The following BACH2 variants were observed in gnomAD, a reference collection of about 807,000 sequenced individuals.
BACH2 encodes the protein BACH transcriptional regulator 2, also known as transcription regulator protein BACH2.
BACH2 carries 5 observed loss-of-function variants against 61.8 expected under a neutral mutation model. The ratio of observed to expected loss-of-function variants is 0.08; its 90% confidence interval spans 0.04 to 0.17. The LOEUF is 0.17. BACH2 is among the 10% of genes least tolerant of loss of function. The pLI is 1.00. For missense variants in BACH2, 824 were observed against 1,091.1 expected, an observed-to-expected ratio of 0.76 and a Z score of 3.45; for synonymous variants, 446 against 440.1, an observed-to-expected ratio of 1.01 and a Z score of -0.17.
At chr6:90,166,148 A>C (rs910357306) in intron 4 of BACH2, among the ~76,000 whole-genome samples, 3 of 152,184 alleles carry the variant, frequency 2.0e-5, no homozygotes, top group Non-Finnish European at 4.4e-5. Context: ...GAAAGTTTTG[A>C]AATCTACTCG....
intron 7 of BACH2, among the ~76,000 whole-genome samples, chr6:89,941,490 C>T (rs1459969186): frequency 6.6e-6 from 1 of 152,236 alleles, no homozygotes; most frequent in Admixed American, 6.5e-5. Context: ...CCTGCTCCGA[C>T]TGCTAAAGAC....
intron 4 of BACH2, among the ~76,000 whole-genome samples, chr6:90,091,040 T>C (rs1782139070): frequency 6.6e-6 from 1 of 152,184 alleles, no homozygotes; most frequent in African/African-American, 2.4e-5. Context: ...GTAACAAAAC[T>C]GGTGGCTGGC....
chr6:90,032,224 T>TA (rs1293841733), intron 5 of BACH2, among the ~76,000 whole-genome samples: 1 of 150,998 alleles, frequency 6.6e-6, no homozygotes, highest in East Asian at 1.9e-4. Context: ...ATTAAAGACT[T>TA]AAATGTTAGA....
intron 3 of BACH2, among the ~76,000 whole-genome samples, chr6:90,246,578 C>T (rs1166196082): frequency 6.7e-6 from 1 of 148,846 alleles, no homozygotes; most frequent in Admixed American, 6.7e-5. Flanking sequence ...TACAAACTGG[C>T]AAAAAAAAAT....
At chr6:90,270,890 T>C (rs1771497436) in intron 2 of BACH2, among the ~76,000 whole-genome samples, 1 of 152,014 alleles carries the variant, frequency 6.6e-6, no homozygotes, top group Non-Finnish European at 1.5e-5. Flanking sequence ...CATAGACCAA[T>C]GGAACAGAAC....
intron 2 of BACH2, among the ~76,000 whole-genome samples, chr6:90,260,871 A>T (rs183152606): frequency 1.3e-5 from 2 of 152,206 alleles, no homozygotes; most frequent in Non-Finnish European, 2.9e-5. Context: ...ACACAGTTCC[A>T]AGAAAGGTCT....
In BACH2 at chr6:89,951,561, C is replaced by T; in HGVS notation, c.545G>A (p.Arg182Lys). The T allele has an allele frequency of 6.2e-7, 1 of 1,614,164 alleles. No homozygotes were observed. Among genetic ancestry groups the T allele is most frequent in the Non-Finnish European group, 8.5e-7 (1 of 1,180,040 alleles). ...GATGGGCTCTGGAAGCATCTGGTCC[C>T]TGGGGCAAGCCATCTTGGCCGTCTC... ...DSETAKMACPRDQMLPEPISF... is the reference protein window; with the variant it reads ...DSETAKMACPKDQMLPEPISF... The change falls in exon 7 of 9, where the codon AGG becomes AAG. Residue 182 changes from arginine (R) to lysine (K), a missense_variant. Arg to Lys is a conservative substitution (Grantham distance 26). This residue lies in a region of BACH2 where 107 missense variants were observed against 121.7 expected (regional missense o/e 0.88). Coordinates refer to ENST00000257749, the MANE Select transcript of BACH2 (RefSeq NM_021813.4). The surrounding 1 kb of genome is among the most constrained non-coding windows in gnomAD (Gnocchi z 6.4).
chr6:90,074,282 T>A (rs1173250450), intron 5 of BACH2, among the ~76,000 whole-genome samples: 2 of 152,196 alleles, frequency 1.3e-5, no homozygotes, highest in Admixed American at 1.3e-4. Context: ...CCTTATGTCA[T>A]ATGTGAACAA....
intron 4 of BACH2, among the ~76,000 whole-genome samples, chr6:90,180,860 TACACACACACAC>T (rs111933173): frequency 2.7e-5 from 4 of 147,182 alleles, no homozygotes; most frequent in Admixed American, 6.7e-5. Context: ...TTATGTGTAT[TACACACACACAC>T]ACACACACAC....
intron 3 of BACH2, among the ~76,000 whole-genome samples, chr6:90,207,252 G>A (rs1235563575): frequency 6.6e-6 from 1 of 151,958 alleles, no homozygotes; most frequent in African/African-American, 2.4e-5. Flanking sequence ...CCAAGCAGCT[G>A]GGGCTACAGG....
At chr6:90,077,705 T>A (rs1258761246) in intron 5 of BACH2, among the ~76,000 whole-genome samples, 1 of 152,214 alleles carries the variant, frequency 6.6e-6, no homozygotes, top group Non-Finnish European at 1.5e-5. Context: ...CACTGTTTTA[T>A]ATCTGTCCTG....
chr6:90,182,018 C>T (rs184659834), intron 4 of BACH2, among the ~76,000 whole-genome samples: 29 of 152,218 alleles, frequency 1.9e-4, no homozygotes, highest in Admixed American at 2.6e-4. Flanking sequence ...GACCATTATT[C>T]GTCAATCTCA....
chr6:90,160,198 A>C (rs1333010243), intron 4 of BACH2, among the ~76,000 whole-genome samples: 4 of 152,216 alleles, frequency 2.6e-5, no homozygotes, highest in African/African-American at 9.6e-5. Context: ...TGTATTCAGT[A>C]TCTCTCTGTG....
At chr6:90,147,801 A>C (rs929752702) in intron 4 of BACH2, among the ~76,000 whole-genome samples, 1 of 152,198 alleles carries the variant, frequency 6.6e-6, no homozygotes, top group Non-Finnish European at 1.5e-5. Context: ...TGTTTCTGCA[A>C]ATAAATAATT....
chr6:90,244,375 AT>A (rs1770561736), intron 3 of BACH2, among the ~76,000 whole-genome samples: 1 of 152,206 alleles, frequency 6.6e-6, no homozygotes, highest in Admixed American at 6.5e-5. Flanking sequence ...CCTTGAGGTA[AT>A]TACTATTACT....
intron 2 of BACH2, among the ~76,000 whole-genome samples, chr6:90,256,299 G>A (rs1281430652): frequency 6.6e-6 from 1 of 152,130 alleles, no homozygotes; most frequent in African/African-American, 2.4e-5. Context: ...GTTCTACCAC[G>A]AAATATAAGT....
intron 5 of BACH2, among the ~76,000 whole-genome samples, chr6:90,032,940 A>C (rs531800775): frequency 1.1e-3 from 170 of 152,324 alleles, no homozygotes; most frequent in African/African-American, 3.9e-3. Context: ...CACAATAGCA[A>C]AGACTTGGAA....
intron 3 of BACH2, among the ~76,000 whole-genome samples, chr6:90,223,797 C>T (rs1769821899): frequency 6.6e-6 from 1 of 152,038 alleles, no homozygotes; most frequent in East Asian, 1.9e-4. Flanking sequence ...TAAAAGTGAT[C>T]CAGAATATGA....
chr6:90,084,073 G>A (rs2127805840), intron 5 of BACH2, among the ~76,000 whole-genome samples: 1 of 151,812 alleles, frequency 6.6e-6, no homozygotes, highest in East Asian at 1.9e-4. Flanking sequence ...AGGGAAGTGT[G>A]GTGTGTGCGG....
Sources: allele counts gnomAD v4.1 joint callset (sites outside exome capture counted in the v4.1 genomes callset), GRCh38; gene constraint gnomAD v4.1.1; regional missense constraint gnomAD v4.1.1; non-coding constraint Gnocchi (gnomAD v3.1); transcripts MANE v1.5; gene names NCBI Gene and HGNC (gene_info 2026-07-23, HGNC 2026-07-21).